The following CADPS variants were observed in gnomAD, a reference collection of about 807,000 sequenced individuals.
CADPS encodes calcium dependent secretion activator, also known as calcium-dependent secretion activator 1.
A neutral mutation model predicts 167.3 loss-of-function variants in CADPS; 57 were observed. That is an observed-to-expected ratio of 0.34 (90% CI 0.28 to 0.42). CADPS has a LOEUF of 0.42. Ranked by LOEUF, CADPS falls within the 20% of genes least tolerant of loss-of-function variation. The pLI, the probability that CADPS is intolerant of heterozygous loss-of-function variation, is 1.00. For synonymous variants in CADPS, 676 were observed against 635.3 expected (o/e 1.06, Z -0.96); for missense variants, 1,414 against 1,738.1 (o/e 0.81, Z 3.32).
chr3:62,460,248 T>C (rs112927193), intron 26 of CADPS, among the ~76,000 whole-genome samples: 1 of 152,310 alleles, frequency 6.6e-6, no homozygotes, highest in African/African-American at 2.4e-5. Flanking sequence ...GTCCGGCACA[T>C]AGTATGTGTT....
chr3:62,493,501 T>C lies in CADPS; in HGVS notation c.2727+144A>G, dbSNP rs560970037. On this transcript the variant is annotated intron_variant, in intron 19 of 29. Transcript: ENST00000383710. The stretch of plus-strand genomic sequence containing the variant: ...CATTTGAAAATATGAAAGATGATTA[T>C]GGAAAAATTCCATAAATGAAAGGGT... The C allele has an allele frequency of 1.1e-5, 6 of 569,814 alleles. No homozygotes were observed. The South Asian group carries it at 1.1e-4, about 11-fold the overall frequency. The allele number at this position is 569,814 out of a possible 1,614,324, so 35.3% of individuals were successfully genotyped here.
chr3:62,728,194 C>A (rs1440291467), intron 3 of CADPS, among the ~76,000 whole-genome samples: 1 of 151,664 alleles, frequency 6.6e-6, no homozygotes, highest in Non-Finnish European at 1.5e-5. Context: ...ACTTTTGCAC[C>A]AATCTAATAA....
At chr3:62,525,737 G>C (rs1352237733) in intron 13 of CADPS, among the ~76,000 whole-genome samples, 1 of 151,378 alleles carries the variant, frequency 6.6e-6, no homozygotes, top group Non-Finnish European at 1.5e-5. Flanking sequence ...GTGTATGCAC[G>C]GGTATGAGAA....
At position 62,446,017 on chromosome 3, in the gene CADPS, A is replaced by G. The variant is rs1157804238; in HGVS notation, c.3637-220T>C. Among the ~76,000 whole-genome samples the G allele has an allele frequency of 6.6e-6, 1 of 152,198 alleles. No individual in the cohort carries two copies. Among genetic ancestry groups the G allele is most frequent in the Non-Finnish European group, 1.5e-5 (1 of 68,028 alleles). The stretch of plus-strand genomic sequence containing the variant: ...AATGCACACGCAAATTTACTGATTC[A>G]GATTCTGTTGCTGGAGCGGGAGCTT... On this transcript the variant is annotated intron_variant, in intron 26 of 29. Coordinates refer to ENST00000383710, the MANE Select transcript of CADPS (RefSeq NM_003716.4). This position sits in a 1 kb window ranked among gnomAD's most constrained non-coding sequence, Gnocchi z 4.9.
chr3:62,482,339 G>C (rs1027494713), intron 21 of CADPS, among the ~76,000 whole-genome samples: 1 of 152,124 alleles, frequency 6.6e-6, no homozygotes, highest in Non-Finnish European at 1.5e-5. Context: ...TCAGACGTTA[G>C]ACACCAAATA....
chr3:62,854,069 ATC>A (rs1352715118), intron 1 of CADPS, among the ~76,000 whole-genome samples: 6 of 152,186 alleles, frequency 3.9e-5, no homozygotes, highest in African/African-American at 1.4e-4. Context: ...CATTCCCTAC[ATC>A]TGAGCATTTT....
At chr3:62,647,478 A>G (rs1172255311) in intron 5 of CADPS, among the ~76,000 whole-genome samples, 1 of 152,200 alleles carries the variant, frequency 6.6e-6, no homozygotes, top group African/African-American at 2.4e-5. Flanking sequence ...CTGCTGACCC[A>G]GAAGCCATAC....
chr3:62,472,779 T>C (rs557242147), intron 24 of CADPS, among the ~76,000 whole-genome samples: 1 of 152,342 alleles, frequency 6.6e-6, no homozygotes, highest in African/African-American at 2.4e-5. Flanking sequence ...AACTCCAGCT[T>C]TCAGCTCAGC....
In CADPS at chr3:62,874,072, T is replaced by G. The variant is rs910371357; in HGVS notation, c.441+517A>C. 4.6e-5 allele frequency among the ~76,000 whole-genome samples: 7 copies of G among 152,206 alleles called. No homozygotes were observed. Among genetic ancestry groups the G allele is most frequent in the Admixed American group, 2.0e-4 (3 of 15,290 alleles). On this transcript the variant is annotated intron_variant, in intron 1 of 29. Transcript: ENST00000383710. The surrounding 1 kb of genome is among the most constrained non-coding windows in gnomAD (Gnocchi z 7.1). The stretch of plus-strand genomic sequence containing the variant: ...CTCCCGCCTGCCCCTGCGGTTGCTC[T>G]CTGCCCCAGCGAGCGGAGCGCTGCT...
chr3:62,551,166 G>T (rs943953370), intron 10 of CADPS, among the ~76,000 whole-genome samples: 1 of 151,934 alleles, frequency 6.6e-6, no homozygotes, highest in Non-Finnish European at 1.5e-5. Context: ...TTTTCCCCAG[G>T]GATATCTGAT....
chr3:62,818,324 G>A (rs2094724398), intron 1 of CADPS, among the ~76,000 whole-genome samples: 1 of 152,140 alleles, frequency 6.6e-6, no homozygotes, highest in Non-Finnish European at 1.5e-5. Flanking sequence ...ATCAGGGACA[G>A]CGTTCCTACA....
chr3:62,785,137 A>G (rs1221991276), intron 1 of CADPS, among the ~76,000 whole-genome samples: 2 of 152,154 alleles, frequency 1.3e-5, no homozygotes, highest in Non-Finnish European at 2.9e-5. Flanking sequence ...AACAAGTTGG[A>G]TGATGGGTAC....
At chr3:62,557,638 C>T in intron 9 of CADPS, 125 bp from the exon 10 acceptor site, 1 of 729,538 alleles carries the variant, frequency 1.4e-6, no homozygotes, top group South Asian at 1.6e-5. Context: ...GTTTTGCTAC[C>T]TCCTGGCTGT....
intron 26 of CADPS, among the ~76,000 whole-genome samples, chr3:62,462,956 G>A (rs73840202): frequency 0.016 from 2,458 of 152,322 alleles, 57 homozygotes; most frequent in African/African-American, 0.051. Context: ...CAAATGATAA[G>A]TGGGTGCTTT....
At chr3:62,593,808 C>T (rs774639314) in intron 6 of CADPS, among the ~76,000 whole-genome samples, 1 of 152,198 alleles carries the variant, frequency 6.6e-6, no homozygotes, top group Non-Finnish European at 1.5e-5. Context: ...CTTTAGCATA[C>T]TATTTAATTT....
At chr3:62,424,779 A>T in intron 28 of CADPS, among the ~76,000 whole-genome samples, 1 of 152,330 alleles carries the variant, frequency 6.6e-6, no homozygotes, top group African/African-American at 2.4e-5. Context: ...ATCAACTGAC[A>T]ATTGCAAAAA....
At chr3:62,466,261 G>A in intron 25 of CADPS, 78 bp downstream of exon 25, 3 of 969,152 alleles carry the variant, frequency 3.1e-6, no homozygotes, top group Non-Finnish European at 4.9e-6. Flanking sequence ...ACTTTTTAAT[G>A]TGTTACATTT....
intron 6 of CADPS, among the ~76,000 whole-genome samples, chr3:62,632,905 C>T (rs200169738): frequency 1.2e-4 from 19 of 152,194 alleles, no homozygotes; most frequent in African/African-American, 2.9e-4. Context: ...GGGAATAAAA[C>T]GGCCAGCTTG....
intron 6 of CADPS, among the ~76,000 whole-genome samples, chr3:62,607,810 G>A (rs1225787635): frequency 6.6e-6 from 1 of 152,182 alleles, no homozygotes; most frequent in Non-Finnish European, 1.5e-5. Context: ...CCAGGGACTG[G>A]CTTGTGGGTT....
Sources: allele counts gnomAD v4.1 joint callset (sites outside exome capture counted in the v4.1 genomes callset), GRCh38; gene constraint gnomAD v4.1.1; non-coding constraint Gnocchi (gnomAD v3.1); transcripts MANE v1.5; gene names NCBI Gene and HGNC (gene_info 2026-07-23, HGNC 2026-07-21).